Variants in TENM1 observed in about 807,000 individuals in gnomAD.
TENM1 encodes the protein teneurin-1.
A neutral mutation model predicts 174.8 loss-of-function variants in TENM1; 35 were observed. The observed-to-expected ratio is 0.20, with a 90% CI of 0.15 to 0.27. The LOEUF (loss-of-function observed/expected upper bound fraction) is 0.27. TENM1 is among the 10% of genes least tolerant of loss of function. TENM1 has a pLI of 1.00. For missense variants in TENM1, 1,633 were observed against 2,130.1 expected (o/e 0.77, Z 4.59); for synonymous variants, 781 against 798.7 (o/e 0.98, Z 0.37).
At chrX:125,195,534 T>C in the TENM1 span, among the ~76,000 whole-genome samples, 1 of 111,789 alleles carries the variant, frequency 8.9e-6, no homozygotes, top group Non-Finnish European at 1.9e-5. Flanking sequence ...TCTCAAATAG[T>C]GAAAAGAACA....
At chrX:124,415,244 C>G (rs1358738654) in intron 25 of TENM1, among the ~76,000 whole-genome samples, 2 of 112,298 alleles carry the variant, frequency 1.8e-5, no homozygotes, top group Non-Finnish European at 3.8e-5. Context: ...TGTTTACAGG[C>G]AAGAAGGGAC....
chrX:124,775,538 T>A (rs1250779117), intron 3 of TENM1, among the ~76,000 whole-genome samples: 2 of 111,406 alleles, frequency 1.8e-5, no homozygotes, highest in Non-Finnish European at 3.8e-5. Flanking sequence ...TGAAAAAAGG[T>A]TTCTGGAAAA....
At chrX:124,980,935 TA>T in the TENM1 span, among the ~76,000 whole-genome samples, 1 of 112,288 alleles carries the variant, frequency 8.9e-6, no homozygotes, top group Non-Finnish European at 1.9e-5. Context: ...ATAGCAATTA[TA>T]AAAGTTTTGG....
intron 3 of TENM1, among the ~76,000 whole-genome samples, chrX:124,854,851 A>G (rs2056786314): frequency 8.9e-6 from 1 of 112,126 alleles, no homozygotes; most frequent in Non-Finnish European, 1.9e-5. Flanking sequence ...GCAAGTAGGA[A>G]AAACTTATTC....
intron 11 of TENM1, among the ~76,000 whole-genome samples, chrX:124,640,163 GTTT>G (rs1354433011): frequency 9.0e-6 from 1 of 110,764 alleles, no homozygotes; most frequent in Admixed American, 9.6e-5. Flanking sequence ...GATATATATG[GTTT>G]TTAAGATTTT....
chrX:124,483,720 G>A (rs1003059757), intron 21 of TENM1, among the ~76,000 whole-genome samples: 3 of 111,784 alleles, frequency 2.7e-5, no homozygotes, highest in Non-Finnish European at 3.8e-5. Context: ...ATGTTCTAGA[G>A]ACCTACTTGT....
chrX:124,911,981 T>G (rs2057844612), intron 1 of TENM1, among the ~76,000 whole-genome samples: 1 of 111,991 alleles, frequency 8.9e-6, no homozygotes, highest in South Asian at 3.7e-4. Flanking sequence ...CAAGCATTGT[T>G]CCAGGTATCA....
intron 4 of TENM1, among the ~76,000 whole-genome samples, chrX:124,709,846 G>T (rs1411279317): frequency 9.0e-6 from 1 of 110,908 alleles, no homozygotes; most frequent in Non-Finnish European, 1.9e-5. Flanking sequence ...AAATTTTAAA[G>T]ACTGTCTTAA....
chrX:124,715,163 C>G (rs2053149056), intron 4 of TENM1, among the ~76,000 whole-genome samples: 2 of 111,594 alleles, frequency 1.8e-5, no homozygotes, highest in South Asian at 7.4e-4. Flanking sequence ...AAGCTATAAT[C>G]CTTTCAAACT....
intron 3 of TENM1, among the ~76,000 whole-genome samples, chrX:124,812,978 T>C (rs1470303767): frequency 9.0e-6 from 1 of 110,540 alleles, no homozygotes; most frequent in African/African-American, 3.3e-5. Context: ...AAAAAAACAA[T>C]TATACACACT....
intron 3 of TENM1, among the ~76,000 whole-genome samples, chrX:124,891,791 C>T (rs1171516882): frequency 1.8e-5 from 2 of 111,725 alleles, no homozygotes; most frequent in African/African-American, 6.5e-5. Flanking sequence ...AGAGGTCTGA[C>T]ACACTGTAGC....
the TENM1 span, chrX:125,204,033 C>G: frequency 8.8e-6 from 1 of 113,698 alleles, no homozygotes; most frequent in African/African-American, 3.2e-5. Context: ...CCGCCGGAGG[C>G]AGGAACCGAA....
At chrX:124,497,369 C>T (rs916066736) in intron 19 of TENM1, 104 bp from the exon 23 acceptor site, 16 of 897,926 alleles carry the variant, frequency 1.8e-5, no homozygotes, top group Non-Finnish European at 2.4e-5. Context: ...CAGGAAGGAG[C>T]TTTGGCCTGG....
chrX:124,577,535 C>G (rs1482725066), intron 11 of TENM1, among the ~76,000 whole-genome samples: 1 of 111,786 alleles, frequency 8.9e-6, no homozygotes, highest in Non-Finnish European at 1.9e-5. Flanking sequence ...TAGTTTTACT[C>G]TATGGCAATC....
At chrX:124,723,725 G>A (rs906898570) in intron 4 of TENM1, among the ~76,000 whole-genome samples, 10 of 106,577 alleles carry the variant, frequency 9.4e-5, no homozygotes, top group Non-Finnish European at 1.2e-4. Flanking sequence ...CTCAGCCTCC[G>A]GAGTAGCTGG....
chrX:124,587,998 T>C (rs1238791632), intron 11 of TENM1, among the ~76,000 whole-genome samples: 3 of 112,078 alleles, frequency 2.7e-5, no homozygotes, highest in African/African-American at 9.7e-5. Flanking sequence ...AGATACCATC[T>C]CACACCAGTT....
At chrX:125,010,514 T>C in the TENM1 span, among the ~76,000 whole-genome samples, 1 of 108,311 alleles carries the variant, frequency 9.2e-6, no homozygotes, top group African/African-American at 3.4e-5. Context: ...CTTCACAGAA[T>C]TAGAAAAAAA....
At chrX:125,098,965 A>G in the TENM1 span, among the ~76,000 whole-genome samples, 2 of 112,314 alleles carry the variant, frequency 1.8e-5, no homozygotes, top group Non-Finnish European at 3.8e-5. Context: ...CCCATTTAAT[A>G]TATAAAGAAA....
intron 3 of TENM1, among the ~76,000 whole-genome samples, chrX:124,821,684 T>C (rs2056041687): frequency 8.9e-6 from 1 of 112,179 alleles, no homozygotes; most frequent in South Asian, 3.7e-4. Flanking sequence ...GTGGAAGCAC[T>C]GGTTCTGTAA....
Sources: gnomAD v4.1 joint callset for allele counts (sites outside exome capture counted in the v4.1 genomes callset) on GRCh38, gnomAD v4.1.1 for gene constraint, MANE v1.5 for transcripts, NCBI Gene and HGNC (gene_info 2026-07-23, HGNC 2026-07-21) for gene names.